The following CDH4 variants were observed in gnomAD, a reference collection of about 807,000 sequenced individuals.
The protein encoded by CDH4 is cadherin 4.
A neutral mutation model predicts 86.0 loss-of-function variants in CDH4; 33 were observed. The observed-to-expected ratio is 0.38, with a 90% CI of 0.29 to 0.51. The LOEUF (loss-of-function observed/expected upper bound fraction) is 0.51. CDH4 is among the 20% of genes least tolerant of loss of function. The pLI, the probability that CDH4 is intolerant of heterozygous loss-of-function variation, is 0.86. For missense variants in CDH4, 1,114 were observed against 1,307.4 expected, an observed-to-expected ratio of 0.85 and a Z score of 2.28; for synonymous variants, 555 against 549.4, an observed-to-expected ratio of 1.01 and a Z score of -0.14.
At chr20:61,590,384 T>C (rs1404335232) in intron 2 of CDH4, among the ~76,000 whole-genome samples, 1 of 152,162 alleles carries the variant, frequency 6.6e-6, no homozygotes, top group African/African-American at 2.4e-5. Flanking sequence ...CCCTGGCGTT[T>C]CCTGCACCTG....
intron 2 of CDH4, chr20:61,738,530 C>A (rs1482108886): frequency 6.6e-6 from 1 of 152,228 alleles, no homozygotes; most frequent in Non-Finnish European, 1.5e-5. Context: ...CCCTGCAGAA[C>A]CCCTGCATTC....
At chr20:61,387,828 C>G (rs556373094) in intron 2 of CDH4, among the ~76,000 whole-genome samples, 3 of 152,196 alleles carry the variant, frequency 2.0e-5, no homozygotes, top group African/African-American at 7.2e-5. Context: ...GGCCCTGCCC[C>G]TTCCTTCCCA....
At chr20:61,752,074 G>A (rs902194125) in intron 3 of CDH4, among the ~76,000 whole-genome samples, 8 of 152,218 alleles carry the variant, frequency 5.3e-5, no homozygotes, top group African/African-American at 1.4e-4. Context: ...GCTCACGCCT[G>A]TAATCCCAGC....
chr20:61,519,931 GC>G (rs1469049791), intron 2 of CDH4, among the ~76,000 whole-genome samples: 1 of 152,126 alleles, frequency 6.6e-6, no homozygotes, highest in Non-Finnish European at 1.5e-5. Flanking sequence ...CGCCGACTCT[GC>G]CCACCAACTG....
rs554788769 is a variant in CDH4, at chr20:61,269,950, G to A, written c.169+15013G>A. 2.0e-5 allele frequency among the ~76,000 whole-genome samples: 3 copies of A among 152,342 alleles called. No homozygotes were observed. Among genetic ancestry groups the A allele is most frequent in the South Asian group, 4.1e-4 (2 of 4,832 alleles). On this transcript the variant is annotated intron_variant, in intron 2 of 15. Coordinates refer to ENST00000614565, the MANE Select transcript of CDH4 (RefSeq NM_001794.5). This position sits in a 1 kb window ranked among gnomAD's most constrained non-coding sequence, Gnocchi z 5.3. ...CTCCTCCAGAATCTGGCCCCCAGAT[G>A]TGGAGAGGGCCGGCCGACCTTTGCG...
At chr20:61,647,544 TCCCTC>T (rs2087075765) in intron 2 of CDH4, among the ~76,000 whole-genome samples, 1 of 105,268 alleles carries the variant, frequency 9.5e-6, no homozygotes, top group African/African-American at 3.4e-5. Flanking sequence ...CCTCTCCCTC[TCCCTC>T]TCCCTCTCCC....
chr20:61,927,737 G>C (rs900963127), intron 11 of CDH4, among the ~76,000 whole-genome samples: 7 of 152,238 alleles, frequency 4.6e-5, no homozygotes, highest in African/African-American at 1.7e-4. Flanking sequence ...TGGCTCCCCA[G>C]TGGGAGTGAG....
intron 2 of CDH4, among the ~76,000 whole-genome samples, chr20:61,727,432 A>T (rs1211070644): frequency 6.6e-6 from 1 of 152,206 alleles, no homozygotes; most frequent in African/African-American, 2.4e-5. Flanking sequence ...CATCATCACC[A>T]TCACTGCCAC....
chr20:61,651,303 C>T (rs116432839), intron 2 of CDH4, among the ~76,000 whole-genome samples: 3,054 of 152,328 alleles, frequency 0.02, 49 homozygotes, highest in African/African-American at 0.039. Context: ...CAGGGAAGGA[C>T]GAGTGCCCCT....
intron 2 of CDH4, among the ~76,000 whole-genome samples, chr20:61,545,229 G>C (rs998214002): frequency 6.6e-6 from 1 of 152,232 alleles, no homozygotes; most frequent in African/African-American, 2.4e-5. Context: ...TAAAAAGACC[G>C]AGCAGTTTTC....
chr20:61,436,013 A>G (rs1447511639), intron 2 of CDH4, among the ~76,000 whole-genome samples: 6 of 151,884 alleles, frequency 4.0e-5, no homozygotes, highest in Admixed American at 2.0e-4. Context: ...GCCCCACCAC[A>G]GGACCTTTGC....
At chr20:61,500,233 G>A (rs1247934769) in intron 2 of CDH4, among the ~76,000 whole-genome samples, 6 of 152,234 alleles carry the variant, frequency 3.9e-5, no homozygotes, top group Admixed American at 6.5e-5. Flanking sequence ...GCTGCACTGG[G>A]AAATGGAAAT....
intron 4 of CDH4, among the ~76,000 whole-genome samples, chr20:61,814,926 C>T (rs141967990): frequency 6.0e-4 from 92 of 152,310 alleles, no homozygotes; most frequent in African/African-American, 2.0e-3. Flanking sequence ...TCCCACGCTC[C>T]GCTCCCCGGC....
intron 9 of CDH4, among the ~76,000 whole-genome samples, chr20:61,918,794 AC>A (rs2054934344): frequency 6.6e-6 from 1 of 152,086 alleles, no homozygotes; most frequent in African/African-American, 2.4e-5. Flanking sequence ...CTCCCTGCAG[AC>A]CCTCCTGGAG....
At chr20:61,597,441 G>A (rs572555241) in intron 2 of CDH4, among the ~76,000 whole-genome samples, 13 of 152,274 alleles carry the variant, frequency 8.5e-5, no homozygotes, top group African/African-American at 2.9e-4. Flanking sequence ...CTGCCTCCTG[G>A]CCAGCCTGGC....
At chr20:61,451,224 C>G (rs933366938) in intron 2 of CDH4, among the ~76,000 whole-genome samples, 2 of 151,108 alleles carry the variant, frequency 1.3e-5, no homozygotes, top group Admixed American at 6.6e-5. Flanking sequence ...GCTGCGGAAG[C>G]CTGATGGGCA....
At chr20:61,852,139 C>A (rs13041393) in intron 5 of CDH4, among the ~76,000 whole-genome samples, 75,625 of 151,850 alleles carry the variant, frequency 0.5, 19,777 homozygotes, top group Non-Finnish European at 0.59. Context: ...ATCCCCCCAC[C>A]CCACCACCCA....
At chr20:61,614,114 T>G (rs2086707259) in intron 2 of CDH4, among the ~76,000 whole-genome samples, 1 of 152,082 alleles carries the variant, frequency 6.6e-6, no homozygotes, top group African/African-American at 2.4e-5. Context: ...AGCCTGGGAT[T>G]TAGCAAGTGT....
At chr20:61,497,463 T>TA (rs937272562) in intron 2 of CDH4, among the ~76,000 whole-genome samples, 11 of 151,930 alleles carry the variant, frequency 7.2e-5, no homozygotes, top group Non-Finnish European at 1.3e-4. Flanking sequence ...TTGTTGTTGT[T>TA]AAAAAAAGAA....
Sources: allele counts gnomAD v4.1 joint callset (sites outside exome capture counted in the v4.1 genomes callset), GRCh38; gene constraint gnomAD v4.1.1; non-coding constraint Gnocchi (gnomAD v3.1); transcripts MANE v1.5; gene names NCBI Gene and HGNC (gene_info 2026-07-23, HGNC 2026-07-21).